Variants in MIPOL1 observed in about 807,000 individuals in gnomAD.
MIPOL1 encodes mirror-image polydactyly 1, also known as mirror-image polydactyly gene 1 protein.
A neutral mutation model predicts 60.9 loss-of-function variants in MIPOL1; 57 were observed. The observed-to-expected ratio is 0.94, with a 90% CI of 0.76 to 1.17. MIPOL1 has a LOEUF of 1.17. Among genes scored for constraint, MIPOL1 ranks in the 50% most tolerant of loss-of-function variants. The probability of loss-of-function intolerance (pLI) is 0.00; values close to 1 mark genes in which losing one functional copy is unlikely to be tolerated. For missense variants in MIPOL1, 551 were observed against 511.6 expected, an observed-to-expected ratio of 1.08 and a Z score of -0.74; for synonymous variants, 179 against 168.8, an observed-to-expected ratio of 1.06 and a Z score of -0.47.
intron 9 of MIPOL1, among the ~76,000 whole-genome samples, chr14:37,330,067 T>G (rs1004361903): frequency 6.6e-6 from 1 of 152,124 alleles, no homozygotes; most frequent in South Asian, 2.1e-4. Context: ...TTTGCAGCAC[T>G]GAAGAGATTA....
intron 9 of MIPOL1, among the ~76,000 whole-genome samples, chr14:37,339,270 A>G (rs1377514394): frequency 6.6e-6 from 1 of 152,236 alleles, no homozygotes. Context: ...CATCACATGC[A>G]CTATGGTGTC....
chr14:37,431,778 G>A (rs1018099301), intron 11 of MIPOL1, among the ~76,000 whole-genome samples: 2 of 150,870 alleles, frequency 1.3e-5, no homozygotes, highest in Non-Finnish European at 3.0e-5. Context: ...GTAGGAACGG[G>A]GTTTCACCAT....
intron 11 of MIPOL1, among the ~76,000 whole-genome samples, chr14:37,433,181 C>A (rs2094105387): frequency 6.6e-6 from 1 of 152,168 alleles, no homozygotes; most frequent in African/African-American, 2.4e-5. Flanking sequence ...CTGCCTCAGC[C>A]TCCTGAGTAG....
chr14:37,514,810 G>A (rs200920254), intron 12 of MIPOL1, among the ~76,000 whole-genome samples: 1 of 151,870 alleles, frequency 6.6e-6, no homozygotes, highest in East Asian at 1.9e-4. Context: ...TAGTAGAGAC[G>A]GGGTTTCTCC....
chr14:37,215,359 T>C (rs566304819), intron 1 of MIPOL1, among the ~76,000 whole-genome samples: 243 of 152,242 alleles, frequency 1.6e-3, no homozygotes, highest in Admixed American at 2.4e-3. Context: ...TCTTTTCTTT[T>C]ATCTCTTTGT....
At position 37,493,077 on chromosome 14, in the gene MIPOL1, A is replaced by G. The variant is rs556248741; in HGVS notation, c.1032-6831A>G. ...GCAATTACTGTAAAATAAATGAAGC[A>G]TAAACAGAATAATAAGTGCATATTG... On this transcript the variant is annotated intron_variant, in intron 11 of 12. Coordinates refer to ENST00000684589, the MANE Select transcript of MIPOL1 (RefSeq NM_001388067.1). Among the ~76,000 whole-genome samples, 37 of 152,352 alleles carry G rather than the reference A, an allele frequency of 2.4e-4. No homozygotes were observed. In the South Asian group the frequency reaches 7.7e-3, roughly 32 times the overall value.
chr14:37,470,360 G>A (rs1171298023), intron 11 of MIPOL1, among the ~76,000 whole-genome samples: 1 of 152,186 alleles, frequency 6.6e-6, no homozygotes, highest in East Asian at 1.9e-4. Flanking sequence ...ATGTTGAATC[G>A]TGATCCCCAG....
At chr14:37,252,990 A>G (rs1390981540) in intron 3 of MIPOL1, among the ~76,000 whole-genome samples, 1 of 151,846 alleles carries the variant, frequency 6.6e-6, no homozygotes, top group Non-Finnish European at 1.5e-5. Context: ...CCTAGACATT[A>G]TGATTATATA....
At chr14:37,245,409 C>T (rs1387670748) in intron 1 of MIPOL1, among the ~76,000 whole-genome samples, 1 of 151,988 alleles carries the variant, frequency 6.6e-6, no homozygotes, top group Non-Finnish European at 1.5e-5. Flanking sequence ...AAGTACTTTC[C>T]AAAAGCAATT....
In MIPOL1 at chr14:37,499,962, C is replaced by A. The variant is rs963106254; in HGVS notation, c.1086C>A (p.Thr362=). Residue 362 remains threonine (T), a synonymous_variant, in exon 12 of 13, where the codon ACC becomes ACA. Coordinates refer to ENST00000684589, the MANE Select transcript of MIPOL1 (RefSeq NM_001388067.1). ...EENLKDQFNY[T]LSTYEEALKN... is the part of the protein sequence containing the mutation. ...ATCTGAAGGATCAGTTTAACTATAC[C>A]CTTAGTACATATGAAGAAGCTTTAA... 1 of 1,611,718 alleles carries A rather than the reference C, an allele frequency of 6.2e-7. No individual in the cohort carries two copies. Among genetic ancestry groups the A allele is most frequent in the Non-Finnish European group, 8.5e-7 (1 of 1,178,358 alleles).
intron 7 of MIPOL1, among the ~76,000 whole-genome samples, chr14:37,287,751 G>T (rs2153413070): frequency 6.6e-6 from 1 of 152,090 alleles, no homozygotes; most frequent in East Asian, 1.9e-4. Context: ...AAAGGTGTTG[G>T]AGTCATCAAA....
chr14:37,450,282 AT>A (rs1356086679), intron 11 of MIPOL1, among the ~76,000 whole-genome samples: 1 of 151,602 alleles, frequency 6.6e-6, no homozygotes, highest in Admixed American at 6.6e-5. Flanking sequence ...TCATCCTAGG[AT>A]TTGTCTTCTC....
At chr14:37,206,619 C>T (rs1333852134) in intron 1 of MIPOL1, among the ~76,000 whole-genome samples, 1 of 152,164 alleles carries the variant, frequency 6.6e-6, no homozygotes, top group Non-Finnish European at 1.5e-5. Context: ...GCACCATGCT[C>T]CTGGAAAAGC....
chr14:37,459,208 C>T (rs974832809), intron 11 of MIPOL1, among the ~76,000 whole-genome samples: 1 of 151,306 alleles, frequency 6.6e-6, no homozygotes, highest in Admixed American at 6.6e-5. Context: ...AAAAATGAAT[C>T]AAAGAATCAA....
intron 1 of MIPOL1, among the ~76,000 whole-genome samples, chr14:37,210,592 G>A (rs116912416): frequency 2.3e-4 from 35 of 152,124 alleles, no homozygotes; most frequent in African/African-American, 6.7e-4. Flanking sequence ...AAGATTAGGC[G>A]GGCAGGGGGC....
chr14:37,244,104 CTTTTTTTTTTT>C (rs143933758), intron 1 of MIPOL1, among the ~76,000 whole-genome samples: 3 of 51,608 alleles, frequency 5.8e-5, no homozygotes, highest in Non-Finnish European at 6.8e-5. Context: ...GACTCACTTC[CTTTTTTTTTTT>C]TTTTTTTTTT....
In MIPOL1 at chr14:37,492,533, C is replaced by A. The variant is rs527266379; in HGVS notation, c.1032-7375C>A. On this transcript the variant is annotated intron_variant, in intron 11 of 12. Coordinates refer to ENST00000684589, the MANE Select transcript of MIPOL1 (RefSeq NM_001388067.1). Reference sequence around the variant, plus strand: ...TTTAAAAATTATACAGATATGAATGCGTATTCTTTGGCAGGTATTGTGCCA... The same window carrying A: ...TTTAAAAATTATACAGATATGAATGAGTATTCTTTGGCAGGTATTGTGCCA... 4.6e-5 allele frequency among the ~76,000 whole-genome samples: 7 copies of A among 152,200 alleles called. No homozygotes were observed. In the South Asian group the frequency reaches 1.5e-3, roughly 32 times the overall value.
intron 11 of MIPOL1, among the ~76,000 whole-genome samples, chr14:37,429,036 C>T (rs1347764504): frequency 1.3e-5 from 2 of 152,156 alleles, no homozygotes; most frequent in Non-Finnish European, 1.5e-5. Flanking sequence ...CTCCTGATTG[C>T]TATAGCAAAT....
chr14:37,199,960 A>G (rs1033118008), intron 1 of MIPOL1, among the ~76,000 whole-genome samples: 2 of 152,224 alleles, frequency 1.3e-5, no homozygotes, highest in Non-Finnish European at 2.9e-5. Flanking sequence ...CAGCTTGAGA[A>G]TTCTGGTTCC....
Sources: allele counts gnomAD v4.1 joint callset (sites outside exome capture counted in the v4.1 genomes callset), GRCh38; gene constraint gnomAD v4.1.1; transcripts MANE v1.5; gene names NCBI Gene and HGNC (gene_info 2026-07-23, HGNC 2026-07-21).